Variants in DNAH14 observed in about 807,000 individuals in gnomAD.
The protein encoded by DNAH14 is axonemal beta dynein heavy chain 14.
Under a neutral mutation model 520.9 loss-of-function variants are expected in DNAH14, and 478 were observed. That is an observed-to-expected ratio of 0.92 (90% CI 0.85 to 0.99). The LOEUF (loss-of-function observed/expected upper bound fraction) is 0.99, where lower values mean the gene tolerates loss of function less well. DNAH14 is among the 50% of genes least tolerant of loss of function. DNAH14 has a pLI of 0.00. For synonymous variants in DNAH14, 1,581 were observed against 1,757.2 expected, an observed-to-expected ratio of 0.90 and a Z score of 2.51; for missense variants, 4,831 against 5,234.5, an observed-to-expected ratio of 0.92 and a Z score of 2.38.
At chr1:225,287,061 T>A (rs932608523) in intron 54 of DNAH14, among the ~76,000 whole-genome samples, 6 of 152,164 alleles carry the variant, frequency 3.9e-5, no homozygotes, top group Non-Finnish European at 7.4e-5. Context: ...ATATTTGTTG[T>A]CTAAGGGTTT....
intron 23 of DNAH14, among the ~76,000 whole-genome samples, chr1:225,102,576 C>T (rs954124472): frequency 1.1e-4 from 16 of 152,198 alleles, no homozygotes; most frequent in East Asian, 7.7e-4. Flanking sequence ...TTTTAATGAT[C>T]GCCATTCTAA....
At position 225,168,061 on chromosome 1, in the gene DNAH14, G is replaced by T. The variant is rs764068239; in HGVS notation, c.5535+33G>T. 2.5e-6 allele frequency: 3 copies of T among 1,213,334 alleles called. No homozygotes were observed. The African/African-American group carries it at 4.6e-5, about 19-fold the overall frequency. 75.2% of individuals were successfully genotyped at this position (1,213,334 alleles called of 1,614,324 possible). ...TAAAATGGCATGTTAGCAATCCTTT[G>T]CCTGTATTTCAATAGGAATTAATAA... is the stretch of plus-strand genomic sequence containing the variant. On this transcript the variant is annotated intron_variant, in intron 36 of 85. Coordinates refer to ENST00000682510, the MANE Select transcript of DNAH14 (RefSeq NM_001367479.1).
intron 1 of DNAH14, among the ~76,000 whole-genome samples, chr1:224,952,178 C>CT (rs1474574182): frequency 1.3e-5 from 2 of 152,272 alleles, no homozygotes; most frequent in African/African-American, 4.8e-5. Flanking sequence ...AGAAACTCCC[C>CT]TTTTTATATT....
intron 17 of DNAH14, among the ~76,000 whole-genome samples, chr1:225,055,214 A>G (rs561642983): frequency 2.0e-5 from 3 of 152,236 alleles, no homozygotes; most frequent in African/African-American, 4.8e-5. Flanking sequence ...GCATTTCCTC[A>G]TGCCAGTAAA....
At chr1:225,288,418 C>T (rs751470784) in intron 54 of DNAH14, among the ~76,000 whole-genome samples, 5 of 151,782 alleles carry the variant, frequency 3.3e-5, no homozygotes, top group Non-Finnish European at 5.9e-5. Context: ...GAAGAAATTC[C>T]GAAGGAGAGA....
chr1:225,338,922 A>T (rs1160212751), intron 68 of DNAH14, among the ~76,000 whole-genome samples: 2 of 151,966 alleles, frequency 1.3e-5, no homozygotes, highest in African/African-American at 4.8e-5. Flanking sequence ...AGCGGTGCTG[A>T]CTCTTAAACC....
chr1:225,017,653 T>C (rs1572492059), intron 10 of DNAH14, among the ~76,000 whole-genome samples: 1 of 152,250 alleles, frequency 6.6e-6, no homozygotes, highest in African/African-American at 2.4e-5. Flanking sequence ...ATGGTCACCC[T>C]GCAACCCCTA....
Position 225,007,411 on chromosome 1 carries a change from A to G in DNAH14, c.976-2A>G. On this transcript the variant is annotated splice_acceptor_variant, in intron 9 of 85. Transcript: ENST00000682510. LOFTEE classifies it high-confidence loss of function. ...ACTGAACATTTACTATCATCTAATT[A>G]GCTGGATAGTTCTCGAACATATTCT... is the stretch of plus-strand genomic sequence containing the variant. 1 of 1,521,752 alleles carries G rather than the reference A, an allele frequency of 6.6e-7. No homozygotes were observed. Among genetic ancestry groups the G allele is most frequent in the Admixed American group, 2.1e-5 (1 of 47,212 alleles). 94.3% of individuals were successfully genotyped at this position (1,521,752 alleles called of 1,614,324 possible).
Position 225,389,379 on chromosome 1 carries a change from A to G in DNAH14, c.13191-355A>G, listed in dbSNP as rs952994349. Reference sequence around the variant, plus strand: ...AGGCTGCTTCCTATACCATTTAACTATAAGTGTAGCAACAGCACTGCAGAC... The same window carrying G: ...AGGCTGCTTCCTATACCATTTAACTGTAAGTGTAGCAACAGCACTGCAGAC... On this transcript the variant is annotated intron_variant, in intron 82 of 85. Coordinates refer to ENST00000682510, the MANE Select transcript of DNAH14 (RefSeq NM_001367479.1). Among the ~76,000 whole-genome samples the G allele has an allele frequency of 5.9e-5, 9 of 152,356 alleles. No individual in the cohort carries two copies. The East Asian group carries it at 1.5e-3, about 26-fold the overall frequency.
rs563008404 is a variant in DNAH14, at chr1:225,384,405, CA to C, written c.13077+2833del. 3.8e-3 allele frequency among the ~76,000 whole-genome samples: 582 copies of C among 151,844 alleles called. 6 individuals are homozygous for C. Among genetic ancestry groups the C allele is most frequent in the African/African-American group, 0.013 (545 of 41,378 alleles). On this transcript the variant is annotated intron_variant, in intron 81 of 85. Coordinates refer to ENST00000682510, the MANE Select transcript of DNAH14 (RefSeq NM_001367479.1). ...AGCAGAACTGAAAGAGATAGAGACA[CA>C]AAAAAACCTTCAAAAAATCAATGAA...
chr1:225,326,721 T>C (rs931256245), intron 64 of DNAH14, among the ~76,000 whole-genome samples: 1 of 152,140 alleles, frequency 6.6e-6, no homozygotes, highest in Non-Finnish European at 1.5e-5. Context: ...GAAGAAATAA[T>C]TTTTAGTTTA....
intron 23 of DNAH14, among the ~76,000 whole-genome samples, chr1:225,103,193 T>C (rs3128669): frequency 0.073 from 11,108 of 152,272 alleles, 630 homozygotes; most frequent in East Asian, 0.24. Context: ...AAAGATCAGA[T>C]GGTTGTAGAT....
chr1:224,995,577 A>G (rs139248060), intron 8 of DNAH14, among the ~76,000 whole-genome samples: 28 of 151,872 alleles, frequency 1.8e-4, no homozygotes, highest in African/African-American at 6.3e-4. Context: ...GGATATTGGT[A>G]TTTTTCCCTA....
At chr1:225,373,196 CAG>C (rs990042907) in intron 77 of DNAH14, among the ~76,000 whole-genome samples, 1 of 127,260 alleles carries the variant, frequency 7.9e-6, no homozygotes, top group African/African-American at 2.7e-5. Context: ...GACAGGAAAA[CAG>C]AAAGAAAGGG....
chr1:224,992,204 A>G (rs2489330), intron 8 of DNAH14, among the ~76,000 whole-genome samples: 22,942 of 151,946 alleles, frequency 0.15, 3,202 homozygotes, highest in African/African-American at 0.36. Context: ...TTTTGCCCAT[A>G]ATTGCCTTGA....
rs187642398 is a variant in DNAH14, at chr1:225,216,173, A to G, written c.6439+8953A>G. Among the ~76,000 whole-genome samples, 46 of 152,308 alleles carry G rather than the reference A, an allele frequency of 3.0e-4. No individual in the cohort carries two copies. The East Asian group carries it at 3.7e-3, about 12-fold the overall frequency. ...CTTACGAAGCTTAGTTTGGCTGGAT[A>G]TGAAATTCTGGGTTGAAAATTCTTT... On this transcript the variant is annotated intron_variant, in intron 41 of 85. Transcript: ENST00000682510.
At chr1:225,121,603 G>C (rs1342549851) in intron 26 of DNAH14, among the ~76,000 whole-genome samples, 2 of 151,996 alleles carry the variant, frequency 1.3e-5, no homozygotes, top group Admixed American at 1.3e-4. Flanking sequence ...TTTTTTGGGA[G>C]GCCGAGGTGG....
At chr1:225,151,981 G>A in intron 31 of DNAH14, 24 bp from the exon 32 acceptor site, 1 of 1,538,566 alleles carries the variant, frequency 6.5e-7, no homozygotes. Flanking sequence ...CAGTGCTAGT[G>A]ATGAATACTG....
At chr1:225,216,897 A>G (rs1229768871) in intron 41 of DNAH14, among the ~76,000 whole-genome samples, 1 of 152,156 alleles carries the variant, frequency 6.6e-6, no homozygotes, top group Non-Finnish European at 1.5e-5. Context: ...GCCTTCTTCT[A>G]TCAACTCATC....
Sources: allele counts gnomAD v4.1 joint callset (sites outside exome capture counted in the v4.1 genomes callset), GRCh38; gene constraint gnomAD v4.1.1; transcripts MANE v1.5; gene names NCBI Gene and HGNC (gene_info 2026-07-23, HGNC 2026-07-21).